Variants in HPSE2 observed in about 807,000 individuals in gnomAD.
HPSE2 encodes the protein heparanase 2 (inactive), also known as inactive heparanase-2.
HPSE2 carries 38 observed loss-of-function variants against 60.5 expected under a neutral mutation model. That is an observed-to-expected ratio of 0.63 (90% CI 0.48 to 0.82). The LOEUF (loss-of-function observed/expected upper bound fraction) is 0.82. Among genes scored for constraint, HPSE2 ranks in the 40% least tolerant of loss-of-function variants. The pLI is 0.00. For missense variants in HPSE2, 713 were observed against 740.4 expected (o/e 0.96, Z 0.43); for synonymous variants, 295 against 293.2 (o/e 1.01, Z -0.06).
chr10:99,180,376 T>C (rs963834330), intron 2 of HPSE2, among the ~76,000 whole-genome samples: 2 of 152,048 alleles, frequency 1.3e-5, no homozygotes, highest in Non-Finnish European at 2.9e-5. Context: ...AGGGCTAATT[T>C]CCAGAATCTA....
chr10:98,993,697 C>T (rs1216070531), intron 3 of HPSE2, among the ~76,000 whole-genome samples: 2 of 152,154 alleles, frequency 1.3e-5, no homozygotes, highest in African/African-American at 4.8e-5. Context: ...GTTGTCCATA[C>T]TCTGGATACT....
chr10:98,580,863 T>TGTGTGTGTGTGTGTGTGTGTGA (rs758991622), intron 9 of HPSE2, among the ~76,000 whole-genome samples: 3 of 142,650 alleles, frequency 2.1e-5, no homozygotes, highest in African/African-American at 7.9e-5. Context: ...TGTGTGTGTG[T>TGTGTGTGTGTGTGTGTGTGTGA]GATAAACATG....
intron 6 of HPSE2, among the ~76,000 whole-genome samples, chr10:98,679,894 C>G (rs1197492661): frequency 6.6e-6 from 1 of 152,028 alleles, no homozygotes; most frequent in Non-Finnish European, 1.5e-5. Context: ...GGGCTACTCT[C>G]AAACCCCTTG....
chr10:98,475,837 A>C (rs953242872), intron 11 of HPSE2, among the ~76,000 whole-genome samples: 15 of 152,214 alleles, frequency 9.9e-5, no homozygotes, highest in African/African-American at 2.4e-4. Context: ...TCAGAGAAGA[A>C]CTTTTAAAAG....
chr10:98,867,996 A>G (rs576264447), intron 3 of HPSE2, among the ~76,000 whole-genome samples: 2 of 152,144 alleles, frequency 1.3e-5, no homozygotes, highest in Non-Finnish European at 2.9e-5. Flanking sequence ...CAGGAGGTGG[A>G]GGTTGCAGTG....
chr10:98,720,092 A>C (rs2134245173), intron 5 of HPSE2, among the ~76,000 whole-genome samples: 1 of 152,236 alleles, frequency 6.6e-6, no homozygotes, highest in East Asian at 1.9e-4. Context: ...AATCACTTAG[A>C]ATTAAAAACA....
intron 9 of HPSE2, among the ~76,000 whole-genome samples, chr10:98,560,460 C>T (rs1469551266): frequency 1.3e-5 from 2 of 152,238 alleles, no homozygotes; most frequent in Non-Finnish European, 2.9e-5. Flanking sequence ...GGTCCCATGG[C>T]CTGCCACTCC....
At chr10:98,721,553 A>G (rs929671393) in intron 5 of HPSE2, 104 bp downstream of exon 5, 1 of 1,116,816 alleles carries the variant, frequency 9.0e-7, no homozygotes, top group Admixed American at 2.3e-5. Context: ...TTTTTTCTTA[A>G]GACCAAAATA....
intron 10 of HPSE2, among the ~76,000 whole-genome samples, chr10:98,485,025 A>C (rs1302758195): frequency 6.6e-6 from 1 of 152,188 alleles, no homozygotes; most frequent in Non-Finnish European, 1.5e-5. Flanking sequence ...TTCCTTATAG[A>C]AATAACACCC....
chr10:98,999,521 C>T (rs1354519821), intron 3 of HPSE2, among the ~76,000 whole-genome samples: 1 of 152,122 alleles, frequency 6.6e-6, no homozygotes, highest in Non-Finnish European at 1.5e-5. Flanking sequence ...GACTTCAAAT[C>T]TCTTGTTTTT....
chr10:98,625,912 C>T (rs1946194794), intron 7 of HPSE2, among the ~76,000 whole-genome samples: 1 of 152,054 alleles, frequency 6.6e-6, no homozygotes, highest in Non-Finnish European at 1.5e-5. Flanking sequence ...ACCAGCCTGG[C>T]TAACACGGTG....
intron 3 of HPSE2, among the ~76,000 whole-genome samples, chr10:99,086,178 G>A (rs1382724386): frequency 2.6e-5 from 4 of 152,032 alleles, no homozygotes; most frequent in African/African-American, 9.7e-5. Context: ...TGTATGCTGA[G>A]TAGTAGAGAG....
At chr10:98,674,461 G>GA (rs1255302807) in intron 6 of HPSE2, among the ~76,000 whole-genome samples, 1 of 152,222 alleles carries the variant, frequency 6.6e-6, no homozygotes, top group Non-Finnish European at 1.5e-5. Context: ...AAAAGCAACT[G>GA]AAGACATGAG....
At chr10:98,721,961 A>AT (rs1290696720) in intron 4 of HPSE2, 133 bp from the exon 5 acceptor site, 7 of 796,396 alleles carry the variant, frequency 8.8e-6, no homozygotes, top group Admixed American at 7.0e-5. Context: ...GGTGTGAATT[A>AT]TTTTAACTTA....
intron 3 of HPSE2, among the ~76,000 whole-genome samples, chr10:99,113,759 A>C (rs1457249433): frequency 2.6e-5 from 4 of 152,098 alleles, no homozygotes; most frequent in African/African-American, 7.2e-5. Context: ...AACTCTTTAA[A>C]ATTTTTTAGT....
chr10:98,595,680 G>A (rs1341450460), intron 9 of HPSE2, among the ~76,000 whole-genome samples: 1 of 152,054 alleles, frequency 6.6e-6, no homozygotes, highest in African/African-American at 2.4e-5. Flanking sequence ...TTTCCAATGT[G>A]GATGCTTTTG....
intron 3 of HPSE2, among the ~76,000 whole-genome samples, chr10:98,820,912 TG>T (rs1378373308): frequency 1.3e-5 from 2 of 152,226 alleles, no homozygotes; most frequent in Admixed American, 6.5e-5. Flanking sequence ...AGTATTATTC[TG>T]AGCAGACTAA....
At chr10:98,836,541 A>G (rs1466085781) in intron 3 of HPSE2, among the ~76,000 whole-genome samples, 1 of 152,200 alleles carries the variant, frequency 6.6e-6, no homozygotes, top group Admixed American at 6.5e-5. Flanking sequence ...AAAAATTGTT[A>G]CAAGGTTTAT....
intron 8 of HPSE2, among the ~76,000 whole-genome samples, chr10:98,617,119 A>T (rs1945933235): frequency 6.6e-6 from 1 of 152,210 alleles, no homozygotes; most frequent in African/African-American, 2.4e-5. Context: ...ACAATGAAGA[A>T]ACACATAATC....
Sources: allele counts gnomAD v4.1 joint callset (sites outside exome capture counted in the v4.1 genomes callset), GRCh38; gene constraint gnomAD v4.1.1; transcripts MANE v1.5; gene names NCBI Gene and HGNC (gene_info 2026-07-23, HGNC 2026-07-21).